BMAL1: variants seen among roughly 807,000 people sequenced by gnomAD.
BMAL1 encodes basic helix-loop-helix ARNT like 1.
chr11:13,375,863 C>T, the BMAL1 span: 1 of 1,158,444 alleles, frequency 8.6e-7, no homozygotes, highest in African/African-American at 1.6e-5. Context: ...GTATCACATC[C>T]TTTAATGCCA....
chr11:13,278,363 G>A, the BMAL1 span, among the ~76,000 whole-genome samples: 1 of 152,202 alleles, frequency 6.6e-6, no homozygotes, highest in Non-Finnish European at 1.5e-5. Flanking sequence ...ACTCCTAGAT[G>A]TGTCCCCGGG....
chr11:13,375,626 G>A, the BMAL1 span: 1 of 1,576,114 alleles, frequency 6.3e-7, no homozygotes, highest in Non-Finnish European at 8.6e-7. Context: ...ACAGACGAGA[G>A]AAAAAATTAC....
the BMAL1 span, among the ~76,000 whole-genome samples, chr11:13,322,504 A>G: frequency 2.0e-5 from 3 of 152,144 alleles, no homozygotes; most frequent in African/African-American, 4.8e-5. Flanking sequence ...GTTTGCATTT[A>G]TATAATTTCT....
chr11:13,337,875 T>A, the BMAL1 span, among the ~76,000 whole-genome samples: 1 of 152,208 alleles, frequency 6.6e-6, no homozygotes, highest in African/African-American at 2.4e-5. Context: ...CAGACAGAGC[T>A]GGGTTTGAAC....
chr11:13,354,668 G>C, the BMAL1 span: 1 of 540,966 alleles, frequency 1.8e-6, no homozygotes, highest in Non-Finnish European at 3.2e-6. Flanking sequence ...TCCACTTCCT[G>C]TCCCCAAAAT....
At chr11:13,303,632 G>A in the BMAL1 span, among the ~76,000 whole-genome samples, 2 of 152,190 alleles carry the variant, frequency 1.3e-5, no homozygotes, top group Non-Finnish European at 1.5e-5. Context: ...CAGGGACCTA[G>A]ACTCCTTTTA....
the BMAL1 span, among the ~76,000 whole-genome samples, chr11:13,326,812 G>GTTGTT: frequency 6.6e-5 from 10 of 151,414 alleles, no homozygotes; most frequent in South Asian, 2.1e-4. Flanking sequence ...GTGGCTCACT[G>GTTGTT]TTGTTTTGTT....
chr11:13,363,127 C>CAT, the BMAL1 span, among the ~76,000 whole-genome samples: 10,356 of 107,138 alleles, frequency 0.097, 679 homozygotes, highest in Non-Finnish European at 0.12. Flanking sequence ...GTCTTTATTT[C>CAT]ATATATATAT....
chr11:13,328,136 C>T, the BMAL1 span, among the ~76,000 whole-genome samples: 539 of 152,300 alleles, frequency 3.5e-3, 1 homozygote, highest in Middle Eastern at 0.01. Flanking sequence ...CACATAAACA[C>T]AAGCCATGGC....
At chr11:13,305,054 G>A in the BMAL1 span, among the ~76,000 whole-genome samples, 1 of 152,188 alleles carries the variant, frequency 6.6e-6, no homozygotes, top group East Asian at 1.9e-4. Context: ...AGCGGAAACT[G>A]TTTCCCACGT....
At chr11:13,345,413 C>G in the BMAL1 span, among the ~76,000 whole-genome samples, 1 of 152,228 alleles carries the variant, frequency 6.6e-6, no homozygotes. Context: ...GCATTTCCCT[C>G]TCTGCCCTGG....
the BMAL1 span, among the ~76,000 whole-genome samples, chr11:13,299,327 C>G: frequency 7.6e-4 from 116 of 152,244 alleles, no homozygotes; most frequent in African/African-American, 2.6e-3. Flanking sequence ...GTGTAATACC[C>G]ATGTGTTCAG....
chr11:13,354,661 A>C, the BMAL1 span: 4 of 562,820 alleles, frequency 7.1e-6, no homozygotes, highest in East Asian at 1.3e-4. Flanking sequence ...TTTAACTTCC[A>C]CTTCCTGTCC....
chr11:13,374,742 C>G, the BMAL1 span, among the ~76,000 whole-genome samples: 2 of 152,212 alleles, frequency 1.3e-5, no homozygotes, highest in South Asian at 2.1e-4. Flanking sequence ...TCTGATCCCT[C>G]TCACCCCCAG....
the BMAL1 span, among the ~76,000 whole-genome samples, chr11:13,302,242 T>C: frequency 0.58 from 87,239 of 151,362 alleles, 27,394 homozygotes; most frequent in Non-Finnish European, 0.7. Context: ...AGGTCTGGGC[T>C]GAGGAGAAAG....
At chr11:13,370,503 A>C in the BMAL1 span, among the ~76,000 whole-genome samples, 280 of 152,328 alleles carry the variant, frequency 1.8e-3, 1 homozygote, top group Non-Finnish European at 3.2e-3. Context: ...ACTGCCATTC[A>C]GCTGGCTGCT....
At chr11:13,293,077 G>A in the BMAL1 span, among the ~76,000 whole-genome samples, 1 of 152,178 alleles carries the variant, frequency 6.6e-6, no homozygotes, top group Non-Finnish European at 1.5e-5. Context: ...GTTTGAAGCT[G>A]TTGTCAGTAG....
At chr11:13,378,520 TTTTGCAA>T in the BMAL1 span, 1 of 1,546,818 alleles carries the variant, frequency 6.5e-7, no homozygotes. Flanking sequence ...CCAGGCAATA[TTTTGCAA>T]TGTCAGGAGA....
chr11:13,362,725 G>A, the BMAL1 span, among the ~76,000 whole-genome samples: 1 of 152,146 alleles, frequency 6.6e-6, no homozygotes, highest in African/African-American at 2.4e-5. Context: ...ATTTGCTGAG[G>A]TTAAAATATG....
Sources: allele counts gnomAD v4.1 joint callset (sites outside exome capture counted in the v4.1 genomes callset), GRCh38; gene constraint gnomAD v4.1.1; transcripts MANE v1.5; gene names NCBI Gene and HGNC (gene_info 2026-07-23, HGNC 2026-07-21).